The following RGS22 variants were observed in gnomAD, a reference collection of about 807,000 sequenced individuals.
RGS22 encodes regulator of G protein signaling 22.
RGS22 carries 148 observed loss-of-function variants against 172.9 expected under a neutral mutation model. The ratio of observed to expected loss-of-function variants is 0.86; its 90% CI spans 0.75 to 0.98. The LOEUF (loss-of-function observed/expected upper bound fraction) is 0.98. Among genes scored for constraint, RGS22 ranks in the 50% least tolerant of loss-of-function variants. The probability of loss-of-function intolerance (pLI) is 0.00; values close to 1 mark genes in which losing one functional copy is unlikely to be tolerated. For missense variants in RGS22, 1,347 were observed against 1,440.8 expected, an observed-to-expected ratio of 0.93 and a Z score of 1.05; for synonymous variants, 458 against 480.2, an observed-to-expected ratio of 0.95 and a Z score of 0.60.
chr8:100,022,917 A>T (rs1817772477), intron 14 of RGS22, among the ~76,000 whole-genome samples: 1 of 151,950 alleles, frequency 6.6e-6, no homozygotes, highest in African/African-American at 2.4e-5. Flanking sequence ...TTTTGTAGAG[A>T]TAGGGTTTTG....
In RGS22 at chr8:99,991,346, C is replaced by T. The variant is rs138711068; in HGVS notation, c.3019-3727G>A. On this transcript the variant is annotated intron_variant, in intron 20 of 27. Transcript: ENST00000360863. ...GCTAAAGGAGGATGTTGGAACCCATCGCAAGGAAGCTAAAAACCTTGAAAA... is the reference window on the plus strand; with the variant it reads ...GCTAAAGGAGGATGTTGGAACCCATTGCAAGGAAGCTAAAAACCTTGAAAA... Among the ~76,000 whole-genome samples, 197 of 152,206 alleles carry T rather than the reference C, an allele frequency of 1.3e-3. 4 individuals are homozygous for T. In the East Asian group the frequency reaches 0.033, roughly 25 times the overall value.
intron 21 of RGS22, among the ~76,000 whole-genome samples, chr8:99,987,181 T>C (rs1407327232): frequency 1.3e-5 from 2 of 152,156 alleles, no homozygotes; most frequent in Non-Finnish European, 2.9e-5. Context: ...ACTCAAAAAG[T>C]TTCAGATTTT....
chr8:99,972,639 A>C (rs1007433303), intron 23 of RGS22, among the ~76,000 whole-genome samples: 1 of 152,230 alleles, frequency 6.6e-6, no homozygotes, highest in Non-Finnish European at 1.5e-5. Flanking sequence ...TGGCCAACAA[A>C]CATATGAAAA....
At chr8:99,971,012 C>A (rs1588875349) in intron 23 of RGS22, among the ~76,000 whole-genome samples, 1 of 152,192 alleles carries the variant, frequency 6.6e-6, no homozygotes, top group Non-Finnish European at 1.5e-5. Context: ...AGCAGTACAT[C>A]AAAAAGCTTA....
intron 14 of RGS22, among the ~76,000 whole-genome samples, chr8:100,025,853 G>C (rs1818118453): frequency 6.6e-6 from 1 of 152,176 alleles, no homozygotes; most frequent in African/African-American, 2.4e-5. Context: ...TTTTACGGGG[G>C]AGGAGCTACA....
chr8:100,037,630 A>G (rs1432447303), intron 14 of RGS22, among the ~76,000 whole-genome samples: 1 of 152,246 alleles, frequency 6.6e-6, no homozygotes, highest in East Asian at 1.9e-4. Context: ...GGTCATGGAA[A>G]TATGAAAATT....
chr8:99,999,158 TAAA>T (rs754246728), intron 19 of RGS22, 101 bp downstream of exon 19: 780 of 874,638 alleles, frequency 8.9e-4, no homozygotes, highest in Middle Eastern at 1.0e-3. Context: ...GCCCATTCCT[TAAA>T]AAAAAAAAAA....
chr8:100,057,688 G>T (rs1170587776), intron 9 of RGS22, among the ~76,000 whole-genome samples: 1 of 152,026 alleles, frequency 6.6e-6, no homozygotes, highest in African/African-American at 2.4e-5. Flanking sequence ...TGATTGTGAG[G>T]CCTCCCCAGT....
chr8:100,095,512 G>A (rs1563728687), intron 2 of RGS22, among the ~76,000 whole-genome samples: 1 of 152,002 alleles, frequency 6.6e-6, no homozygotes, highest in South Asian at 2.1e-4. Context: ...TTTCCTTAAC[G>A]TATTTCAGAC....
At chr8:100,052,357 A>G (rs1821752279) in intron 10 of RGS22, among the ~76,000 whole-genome samples, 1 of 148,054 alleles carries the variant, frequency 6.8e-6, no homozygotes. Context: ...GCTGGAGTGC[A>G]GTGGCGCTAT....
At chr8:100,063,333 G>T in intron 8 of RGS22, 83 bp downstream of exon 8, 4 of 948,682 alleles carry the variant, frequency 4.2e-6, no homozygotes, top group South Asian at 5.0e-5. Context: ...ATTTACTTTG[G>T]GCTTTCTCCC....
At chr8:100,064,797 G>T (rs1563691237) in intron 7 of RGS22, among the ~76,000 whole-genome samples, 1 of 152,136 alleles carries the variant, frequency 6.6e-6, no homozygotes, top group Non-Finnish European at 1.5e-5. Flanking sequence ...CACTACCATA[G>T]ATTGAGACCA....
chr8:99,995,018 C>T (rs558262139), intron 20 of RGS22, among the ~76,000 whole-genome samples: 13 of 151,908 alleles, frequency 8.6e-5, no homozygotes, highest in Admixed American at 3.9e-4. Context: ...AATGGGGAAA[C>T]GATTCCCTAT....
chr8:100,024,328 C>T (rs577316057), intron 14 of RGS22, among the ~76,000 whole-genome samples: 1 of 152,176 alleles, frequency 6.6e-6, no homozygotes, highest in Admixed American at 6.5e-5. Context: ...TATGGGGGCT[C>T]ATTAAACTGT....
At chr8:100,104,329 CGT>C (rs34385626) in intron 2 of RGS22, among the ~76,000 whole-genome samples, 11,277 of 140,266 alleles carry the variant, frequency 0.08, 461 homozygotes, top group Middle Eastern at 0.096. Flanking sequence ...AAAATATGTG[CGT>C]GTGTGTGTGT....
intron 23 of RGS22, among the ~76,000 whole-genome samples, chr8:99,971,492 A>G (rs1363388072): frequency 4.6e-5 from 7 of 152,316 alleles, no homozygotes; most frequent in Non-Finnish European, 8.8e-5. Context: ...TGTCTCAGCC[A>G]AAAACTCCTT....
chr8:100,028,830 T>C (rs982308805), intron 14 of RGS22, among the ~76,000 whole-genome samples: 36 of 152,188 alleles, frequency 2.4e-4, no homozygotes, highest in Non-Finnish European at 1.5e-4. Flanking sequence ...CTAGTATTCA[T>C]ACCCTTTCAT....
At chr8:100,100,197 A>C (rs1210128026) in intron 2 of RGS22, among the ~76,000 whole-genome samples, 1 of 152,172 alleles carries the variant, frequency 6.6e-6, no homozygotes, top group African/African-American at 2.4e-5. Flanking sequence ...TATGTACTTT[A>C]AATCAACTCT....
In RGS22 at chr8:100,038,952, A is replaced by G. The variant is rs1358630721; in HGVS notation, c.2145T>C (p.Phe715=). The G allele has an allele frequency of 6.2e-7, 1 of 1,610,888 alleles. No individual in the cohort carries two copies. The highest frequency in any genetic ancestry group is 8.5e-7 in the Non-Finnish European group (1 of 1,177,922). The part of the protein sequence containing the change: ...QLFYQETLQP[F]KVCKQAQYLF... Reference sequence around the variant, plus strand: ...GTACTTGCGCTTGCTTGCATACTTTAAAAGGCTGAAGTGTTTCTTGGTAGA... The same window carrying G: ...GTACTTGCGCTTGCTTGCATACTTTGAAAGGCTGAAGTGTTTCTTGGTAGA... The change falls in exon 14 of 28, where the codon TTT becomes TTC. Residue 715 remains phenylalanine (F), a synonymous_variant. Coordinates refer to ENST00000360863, the MANE Select transcript of RGS22 (RefSeq NM_015668.5).
Sources: allele counts gnomAD v4.1 joint callset (sites outside exome capture counted in the v4.1 genomes callset), GRCh38; gene constraint gnomAD v4.1.1; transcripts MANE v1.5; gene names NCBI Gene and HGNC (gene_info 2026-07-23, HGNC 2026-07-21).